The following LARP1B variants were observed in gnomAD, a reference collection of about 807,000 sequenced individuals.
LARP1B encodes the protein la-related protein 1B.
In LARP1B, 76 loss-of-function variants were observed where a neutral mutation model predicts 114.2. The observed-to-expected ratio is 0.67, with a 90% confidence interval of 0.55 to 0.81. The LOEUF (loss-of-function observed/expected upper bound fraction) is 0.81. Among genes scored for constraint, LARP1B ranks in the 30% least tolerant of loss-of-function variants. The probability of loss-of-function intolerance (pLI) is 0.00; values close to 1 mark genes in which losing one functional copy is unlikely to be tolerated. For missense variants in LARP1B, 1,014 were observed against 1,075.8 expected, an observed-to-expected ratio of 0.94 and a Z score of 0.80; for synonymous variants, 345 against 348.0, an observed-to-expected ratio of 0.99 and a Z score of 0.10.
intron 19 of LARP1B, among the ~76,000 whole-genome samples, chr4:128,208,768 CT>C (rs2150958394): frequency 6.6e-6 from 1 of 152,318 alleles, no homozygotes; most frequent in East Asian, 1.9e-4. Context: ...TACCTTTTCA[CT>C]GGGTACTTAA....
chr4:128,213,192 GTGT>G (rs1759224774), downstream of LARP1B, among the ~76,000 whole-genome samples: 1 of 151,994 alleles, frequency 6.6e-6, no homozygotes, highest in Non-Finnish European at 1.5e-5. Flanking sequence ...GGGATTACAG[GTGT>G]GAGCCACTGC....
intron 5 of LARP1B, 25 bp from the exon 6 acceptor site, chr4:128,090,976 A>G (rs1214922035): frequency 6.7e-7 from 1 of 1,501,470 alleles, no homozygotes; most frequent in South Asian, 1.2e-5. Context: ...ATCGAAGTAT[A>G]TAAAAATATT....
In LARP1B at chr4:128,091,073, T is replaced by C. The variant is rs368509251; in HGVS notation, c.431T>C (p.Ile144Thr). The change falls in exon 6 of 20, where the codon ATC (isoleucine) becomes ACC (threonine). Residue 144 changes from isoleucine (I) to threonine (T), a missense_variant. Ile to Thr is a moderately conservative substitution (Grantham distance 89, BLOSUM62 -1). Coordinates refer to ENST00000326639, the MANE Select transcript of LARP1B (RefSeq NM_018078.4). ...VSSVRSEGGN[I>T]RGSFRGRGRG... Reference sequence around the variant, plus strand: ...AGTGTGAGAAGTGAGGGTGGTAATATCCGAGGTTCCTTTAGAGGTCGAGGA... The same window carrying C: ...AGTGTGAGAAGTGAGGGTGGTAATACCCGAGGTTCCTTTAGAGGTCGAGGA... The C allele has an allele frequency of 1.9e-6, 3 of 1,613,828 alleles. No individual in the cohort carries two copies. The highest frequency in any genetic ancestry group is 2.2e-5 in the South Asian group (2 of 91,068).
chr4:128,185,924 C>T (rs62336165), intron 15 of LARP1B, among the ~76,000 whole-genome samples: 88,730 of 151,982 alleles, frequency 0.58, 27,237 homozygotes, highest in Middle Eastern at 0.8. Flanking sequence ...CCCCACTTAT[C>T]GAAGTGACTG....
intron 9 of LARP1B, chr4:128,108,792 T>TA: frequency 1.0e-6 from 1 of 984,862 alleles, no homozygotes; most frequent in Non-Finnish European, 1.2e-6. Flanking sequence ...GTAAGTTAGA[T>TA]AAAATAGCAT....
chr4:128,075,310 A>G (rs1455848778), intron 3 of LARP1B, among the ~76,000 whole-genome samples: 1 of 151,860 alleles, frequency 6.6e-6, no homozygotes, highest in Non-Finnish European at 1.5e-5. Context: ...CTGGTCTCCA[A>G]CTCCTGAGCT....
chr4:128,099,760 T>C (rs1779606217), intron 8 of LARP1B, among the ~76,000 whole-genome samples: 1 of 152,010 alleles, frequency 6.6e-6, no homozygotes, highest in Non-Finnish European at 1.5e-5. Context: ...TGGATAAATA[T>C]CTAGTATTGT....
At chr4:128,220,387 A>G in exon 7 of LARP1B, 2 of 960,920 alleles carry the variant, frequency 2.1e-6, no homozygotes, top group Non-Finnish European at 2.5e-6. Flanking sequence ...ACCTAATTAT[A>G]TCACCATGAG....
At chr4:128,106,603 A>AGTGGTTTGAGTCCTGGTGTT (rs1782179566) in intron 8 of LARP1B, among the ~76,000 whole-genome samples, 1 of 151,656 alleles carries the variant, frequency 6.6e-6, no homozygotes, top group Non-Finnish European at 1.5e-5. Context: ...GTAGATAGAT[A>AGTGGTTTGAGTCCTGGTGTT]GTGGTTTGAG....
At chr4:128,083,406 C>G (rs1771472893) in intron 5 of LARP1B, among the ~76,000 whole-genome samples, 2 of 151,158 alleles carry the variant, frequency 1.3e-5, no homozygotes, top group Non-Finnish European at 3.0e-5. Context: ...GGCAGAGGCG[C>G]CCCTCACCTC....
intron 1 of LARP1B, among the ~76,000 whole-genome samples, chr4:128,071,512 C>T (rs2072916111): frequency 6.6e-6 from 1 of 150,778 alleles, no homozygotes; most frequent in Non-Finnish European, 1.5e-5. Context: ...ACCTCCGTCT[C>T]CTGGGTTCAA....
intron 1 of LARP1B, among the ~76,000 whole-genome samples, chr4:128,067,776 G>A (rs1308113934): frequency 6.6e-6 from 1 of 151,426 alleles, no homozygotes; most frequent in Non-Finnish European, 1.5e-5. Flanking sequence ...GTGCAATGGA[G>A]CAATCTCATT....
Position 128,140,557 on chromosome 4 carries a change from G to A in LARP1B, c.1524+18369G>A, listed in dbSNP as rs139464946. Among the ~76,000 whole-genome samples, 13 of 152,270 alleles carry A rather than the reference G, an allele frequency of 8.5e-5. No individual in the cohort carries two copies. The East Asian group carries it at 2.5e-3, about 29-fold the overall frequency. On this transcript the variant is annotated intron_variant, in intron 11 of 19. Coordinates refer to ENST00000326639, the MANE Select transcript of LARP1B (RefSeq NM_018078.4). ...ACGTAAGTCAGAATTTGTTCATTGT[G>A]GGGGCTGGGGGGAGGTGTAGGATCC...
At chr4:128,221,856 TAA>T (rs1760063377) in intron 7 of LARP1B, among the ~76,000 whole-genome samples, 1 of 152,168 alleles carries the variant, frequency 6.6e-6, no homozygotes, top group South Asian at 2.1e-4. Flanking sequence ...CCCCTCTCAC[TAA>T]GTTACAGTCC....
intron 11 of LARP1B, chr4:128,155,253 G>C (rs914871615): frequency 7.9e-6 from 3 of 380,770 alleles, no homozygotes; most frequent in Non-Finnish European, 1.4e-5. Context: ...GCTGAGAACA[G>C]CTGAAAAAGT....
At chr4:128,087,674 T>TC (rs1413493913) in intron 5 of LARP1B, among the ~76,000 whole-genome samples, 4 of 152,168 alleles carry the variant, frequency 2.6e-5, no homozygotes, top group Non-Finnish European at 4.4e-5. Flanking sequence ...TAAAATCTAG[T>TC]CAATAGTTAA....
rs1767218695 is a variant in LARP1B, at chr4:128,074,967, A to G, written c.16A>G (p.Thr6Ala). 1 of 1,610,452 alleles carries G rather than the reference A, an allele frequency of 6.2e-7. No homozygotes were observed. Among genetic ancestry groups the G allele is most frequent in the Non-Finnish European group, 8.5e-7 (1 of 1,176,998 alleles). MENWP[T>A]PSELVNTGFQ... is the part of the protein sequence containing the mutation. The stretch of plus-strand genomic sequence containing the variant: ...TTTCAGTGATATGGAGAATTGGCCA[A>G]CACCAAGTGAATTAGTGAACACTGG... Residue 6 changes from threonine to alanine, a missense_variant, in exon 3 of 20, where the codon ACA becomes GCA. Thr to Ala is a moderately conservative substitution (Grantham distance 58). Transcript: ENST00000326639.
chr4:128,113,475 G>C (rs922302541), intron 9 of LARP1B, among the ~76,000 whole-genome samples: 4 of 151,150 alleles, frequency 2.6e-5, no homozygotes, highest in African/African-American at 9.7e-5. Context: ...TGAGTAGTGG[G>C]AATTACAGGT....
downstream of LARP1B, among the ~76,000 whole-genome samples, chr4:128,212,604 G>A (rs1014546032): frequency 2.6e-5 from 4 of 151,974 alleles, no homozygotes; most frequent in African/African-American, 7.3e-5. Context: ...AGCCGAGTCC[G>A]CACCACTGCA....
Sources: gnomAD v4.1 joint callset for allele counts (sites outside exome capture counted in the v4.1 genomes callset) on GRCh38, gnomAD v4.1.1 for gene constraint, MANE v1.5 for transcripts, NCBI Gene and HGNC (gene_info 2026-07-23, HGNC 2026-07-21) for gene names.